The following DTNA variants were observed in gnomAD, a reference collection of about 807,000 sequenced individuals.
DTNA encodes the protein dystrophin-related protein 3.
In DTNA, 43 loss-of-function variants were observed where a neutral mutation model predicts 100.7. That is an observed-to-expected ratio of 0.43 (90% CI 0.33 to 0.55). The LOEUF (loss-of-function observed/expected upper bound fraction) is 0.55, where lower values mean the gene tolerates loss of function less well. Among genes scored for constraint, DTNA ranks in the 20% least tolerant of loss-of-function variants. The pLI, the probability that DTNA is intolerant of heterozygous loss-of-function variation, is 0.04. For missense variants in DTNA, 798 were observed against 953.9 expected, an observed-to-expected ratio of 0.84 and a Z score of 2.15; for synonymous variants, 349 against 347.9, an observed-to-expected ratio of 1.00 and a Z score of -0.04.
chr18:34,811,094 T>C (rs980071811), intron 5 of DTNA, among the ~76,000 whole-genome samples: 1 of 152,230 alleles, frequency 6.6e-6, no homozygotes, highest in Non-Finnish European at 1.5e-5. Flanking sequence ...TGTGCTGGCC[T>C]GGTGACAAGC....
In DTNA at chr18:34,509,424, G is replaced by A. The variant is rs187082369; in HGVS notation, c.-2+15910G>A. On this transcript the variant is annotated intron_variant, in intron 1 of 19. Transcript: ENST00000283365. ...GTCCAGATTTTCCCCTACTGTGTTC[G>A]GTGCTATTTATAAACACAAAATGTG... Among the ~76,000 whole-genome samples the A allele has an allele frequency of 1.3e-3, 198 of 152,090 alleles. 3 individuals carry two copies. The South Asian group carries it at 0.016, about 12-fold the overall frequency.
intron 1 of DTNA, among the ~76,000 whole-genome samples, chr18:34,700,947 C>G (rs1387479005): frequency 6.6e-6 from 1 of 152,122 alleles, no homozygotes; most frequent in East Asian, 1.9e-4. Context: ...TCCCTAGTGT[C>G]GCAGGAAAGG....
chr18:34,689,384 T>C (rs945773456), intron 1 of DTNA, among the ~76,000 whole-genome samples: 16 of 152,182 alleles, frequency 1.1e-4, no homozygotes, highest in Admixed American at 7.2e-4. Context: ...ATTGTTTTCC[T>C]TCTAATAGTC....
chr18:34,550,574 G>A (rs1011044090), intron 1 of DTNA, among the ~76,000 whole-genome samples: 4 of 152,130 alleles, frequency 2.6e-5, no homozygotes, highest in Non-Finnish European at 4.4e-5. Flanking sequence ...TCTGAGAATT[G>A]TCATTTTGGG....
intron 4 of DTNA, among the ~76,000 whole-genome samples, chr18:34,796,272 A>G (rs7232031): frequency 0.99 from 150,368 of 152,372 alleles, 74,220 homozygotes; most frequent in East Asian, 1. Context: ...AATTTTGGAT[A>G]TGAAATGTAA....
At chr18:34,650,186 T>C (rs2060282862) in intron 1 of DTNA, among the ~76,000 whole-genome samples, 1 of 152,164 alleles carries the variant, frequency 6.6e-6, no homozygotes, top group Admixed American at 6.5e-5. Flanking sequence ...TTCTGGCACC[T>C]GGCACCTGAA....
At chr18:34,621,853 A>G (rs934649819) in intron 1 of DTNA, among the ~76,000 whole-genome samples, 2 of 152,222 alleles carry the variant, frequency 1.3e-5, no homozygotes, top group African/African-American at 4.8e-5. Context: ...GAAGTGATGC[A>G]TATGTTAATG....
At chr18:34,618,720 G>A (rs2055836913) in intron 1 of DTNA, among the ~76,000 whole-genome samples, 1 of 152,124 alleles carries the variant, frequency 6.6e-6, no homozygotes, top group Admixed American at 6.6e-5. Flanking sequence ...TATTGCCTAA[G>A]CATTTTTCAT....
At chr18:34,677,171 A>G (rs2077496308) in intron 1 of DTNA, among the ~76,000 whole-genome samples, 1 of 152,274 alleles carries the variant, frequency 6.6e-6, no homozygotes, top group Non-Finnish European at 1.5e-5. Context: ...TAGAAAAGGA[A>G]CAGCAGAATT....
chr18:34,753,112 C>T (rs1330053165), intron 1 of DTNA, among the ~76,000 whole-genome samples: 1 of 151,896 alleles, frequency 6.6e-6, no homozygotes, highest in Admixed American at 6.5e-5. Context: ...TACTAGCTGG[C>T]CATATCATTT....
At chr18:34,825,202 G>A (rs991091330) in intron 9 of DTNA, 6 of 1,604,816 alleles carry the variant, frequency 3.7e-6, no homozygotes, top group Non-Finnish European at 5.1e-6. Context: ...CTTAGCTATT[G>A]TATTGCTTGT....
chr18:34,877,959 GTT>G (rs140501534), intron 19 of DTNA, 151 bp downstream of exon 19: 7 of 666,232 alleles, frequency 1.1e-5, no homozygotes, highest in Admixed American at 3.3e-5. Context: ...GATTTGAGGG[GTT>G]TTTTTTTTGT....
At chr18:34,881,122 A>T (rs1274408931) in intron 20 of DTNA, among the ~76,000 whole-genome samples, 2 of 152,230 alleles carry the variant, frequency 1.3e-5, no homozygotes, top group African/African-American at 4.8e-5. Flanking sequence ...CTGGCCCCAA[A>T]CCTCCAAAAA....
intron 1 of DTNA, among the ~76,000 whole-genome samples, chr18:34,578,331 T>C (rs2048311188): frequency 6.6e-6 from 1 of 152,166 alleles, no homozygotes; most frequent in African/African-American, 2.4e-5. Flanking sequence ...TGTTTGTTTT[T>C]TTCTTGTTGA....
rs2048202930 is a variant in DTNA, at chr18:34,577,333, T to C, written c.-2+83819T>C. Among the ~76,000 whole-genome samples the C allele has an allele frequency of 2.0e-5, 3 of 151,990 alleles. No individual in the cohort carries two copies. In the South Asian group the frequency reaches 6.2e-4, roughly 31 times the overall value. On this transcript the variant is annotated intron_variant, in intron 1 of 19. Transcript: ENST00000283365. ...TATATCTTTTACCATTTTTAAACTT[T>C]CAATCAATATGTGTTTTTATATTTA...
chr18:34,860,220 G>GTTT lies in DTNA; in HGVS notation c.1646+1849_1646+1851dup, dbSNP rs55673388. ...TGCCACCACGCCCGGCTAATTTTTTGTTTTTTTTTTTTTTTTTTTTTTTTT... is the reference window on the plus strand; with the variant it reads ...TGCCACCACGCCCGGCTAATTTTTTGTTTTTTTTTTTTTTTTTTTTTTTTTTTT... On this transcript the variant is annotated intron_variant, in intron 16 of 22. Coordinates refer to ENST00000444659, the MANE Select transcript of DTNA (RefSeq NM_001386795.1). Among the ~76,000 whole-genome samples the GTTT allele has an allele frequency of 2.1e-3, 165 of 80,282 alleles. 7 individuals are homozygous for GTTT. Among genetic ancestry groups the GTTT allele is most frequent in the African/African-American group, 3.1e-3 (66 of 21,240 alleles). 52.7% of individuals were successfully genotyped at this position (80,282 alleles called of 152,430 possible).
chr18:34,520,488 C>G lies in DTNA; in HGVS notation c.-2+26974C>G, dbSNP rs1393768037. Among the ~76,000 whole-genome samples the G allele has an allele frequency of 2.0e-5, 3 of 151,976 alleles. No individual in the cohort carries two copies. In the East Asian group the frequency reaches 5.8e-4, roughly 30 times the overall value. ...CTAAGATGGTGAAACCCTGTCTCTA[C>G]CAAAAATACAAAAAAATTATCTGGG... On this transcript the variant is annotated intron_variant, in intron 1 of 19. Coordinates refer to the DTNA transcript ENST00000283365.
chr18:34,625,434 A>G (rs2057187008), intron 1 of DTNA, among the ~76,000 whole-genome samples: 1 of 152,144 alleles, frequency 6.6e-6, no homozygotes, highest in African/African-American at 2.4e-5. Context: ...CAGCTTCCCA[A>G]AGTGCTGGGA....
rs541633239 is a variant in DTNA, at chr18:34,860,085, C to G, written c.1646+1687C>G. ...TGTTTGAGATGGAGTCTCACTCTGTCACCCAGGCTGGAGTGCAGTGGCACG... is the reference window on the plus strand; with the variant it reads ...TGTTTGAGATGGAGTCTCACTCTGTGACCCAGGCTGGAGTGCAGTGGCACG... On this transcript the variant is annotated intron_variant, in intron 16 of 22. Transcript: ENST00000444659. Among the ~76,000 whole-genome samples the G allele has an allele frequency of 4.6e-5, 7 of 152,224 alleles. No individual in the cohort carries two copies. In the South Asian group the frequency reaches 1.5e-3, roughly 32 times the overall value.
Sources: allele counts gnomAD v4.1 joint callset (sites outside exome capture counted in the v4.1 genomes callset), GRCh38; gene constraint gnomAD v4.1.1; transcripts MANE v1.5; gene names NCBI Gene and HGNC (gene_info 2026-07-23, HGNC 2026-07-21).